Variants in CNTNAP3B observed in about 807,000 individuals in gnomAD.
The protein encoded by CNTNAP3B is contactin-associated protein-like 3B.
In CNTNAP3B, 25 loss-of-function variants were observed where a neutral mutation model predicts 108.9. That is an observed-to-expected ratio of 0.23 (90% confidence interval 0.17 to 0.32). The LOEUF (loss-of-function observed/expected upper bound fraction) is 0.32, where lower values mean the gene tolerates loss of function less well. Among genes scored for constraint, CNTNAP3B ranks in the 10% least tolerant of loss-of-function variants. The pLI, the probability that CNTNAP3B is intolerant of heterozygous loss-of-function variation, is 1.00. For missense variants in CNTNAP3B, 252 were observed against 1,210.4 expected, an observed-to-expected ratio of 0.21 and a Z score of 11.75; for synonymous variants, 103 against 473.4, an observed-to-expected ratio of 0.22 and a Z score of 10.16.
chr9:41,921,514 G>C (rs1247925918), intron 17 of CNTNAP3B, among the ~76,000 whole-genome samples: 1 of 151,254 alleles, frequency 6.6e-6, no homozygotes, highest in East Asian at 1.9e-4. Flanking sequence ...TTGTGATTTA[G>C]TCCAGTTTTA....
At chr9:41,937,264 C>G (rs987330433) in intron 14 of CNTNAP3B, among the ~76,000 whole-genome samples, 1 of 151,470 alleles carries the variant, frequency 6.6e-6, no homozygotes, top group Non-Finnish European at 1.5e-5. Flanking sequence ...GCAGCTGGGA[C>G]TACAGGCACA....
intron 2 of CNTNAP3B, among the ~76,000 whole-genome samples, chr9:42,080,142 G>A (rs1827583063): frequency 7.4e-6 from 1 of 135,468 alleles, no homozygotes; most frequent in Non-Finnish European, 1.6e-5. Flanking sequence ...GCTACCCTGG[G>A]ATGGTGTGTT....
chr9:42,097,302 C>A (rs1160516495), intron 2 of CNTNAP3B, among the ~76,000 whole-genome samples: 1 of 140,182 alleles, frequency 7.1e-6, no homozygotes, highest in African/African-American at 2.8e-5. Context: ...AAGTTAGTTC[C>A]AATTTTCAAA....
At chr9:41,924,484 A>T (rs1823754216) in intron 15 of CNTNAP3B, among the ~76,000 whole-genome samples, 1 of 152,308 alleles carries the variant, frequency 6.6e-6, no homozygotes, top group Non-Finnish European at 1.5e-5. Context: ...TTTTGGTCTA[A>T]CTGGGAAGGG....
intron 3 of CNTNAP3B, among the ~76,000 whole-genome samples, chr9:42,020,592 G>A (rs1250609188): frequency 4.0e-4 from 60 of 148,322 alleles, no homozygotes; most frequent in Non-Finnish European, 5.8e-4. Context: ...GACATGATAG[G>A]CATTGTTGCA....
chr9:42,029,034 A>C (rs1436908729), intron 3 of CNTNAP3B, among the ~76,000 whole-genome samples: 13 of 148,584 alleles, frequency 8.7e-5, no homozygotes, highest in African/African-American at 3.3e-4. Flanking sequence ...TGAAAAGTTA[A>C]ATGTTGAGCT....
chr9:42,054,872 C>T (rs1165097649), intron 3 of CNTNAP3B, among the ~76,000 whole-genome samples: 2 of 149,256 alleles, frequency 1.3e-5, no homozygotes, highest in African/African-American at 2.5e-5. Context: ...ACCAAATGAC[C>T]TCCCTAGCTG....
intron 13 of CNTNAP3B, among the ~76,000 whole-genome samples, chr9:41,943,345 A>ATT (rs1165684239): frequency 0.039 from 5,151 of 131,332 alleles, 2 homozygotes; most frequent in Non-Finnish European, 0.049. Flanking sequence ...TTGGACAATA[A>ATT]TTTTTTTTTT....
chr9:41,956,260 C>T (rs1242892942), intron 12 of CNTNAP3B, among the ~76,000 whole-genome samples: 1 of 151,702 alleles, frequency 6.6e-6, no homozygotes, highest in African/African-American at 2.4e-5. Context: ...GTGGCACATG[C>T]CTGTAGTCCC....
chr9:41,953,501 T>C, intron 12 of CNTNAP3B, 115 bp from the exon 13 acceptor site: 1 of 1,236,268 alleles, frequency 8.1e-7, no homozygotes, highest in East Asian at 2.6e-5. Flanking sequence ...TTACTGCATG[T>C]TTGCCGCGAT....
At chr9:42,003,910 T>C (rs1177531570) in intron 4 of CNTNAP3B, among the ~76,000 whole-genome samples, 38 of 135,730 alleles carry the variant, frequency 2.8e-4, no homozygotes, top group African/African-American at 1.0e-3. Flanking sequence ...TGAGCCAGGA[T>C]TGCTCCACTG....
intron 13 of CNTNAP3B, among the ~76,000 whole-genome samples, chr9:41,951,070 G>T (rs1824663310): frequency 2.0e-5 from 2 of 100,698 alleles, no homozygotes; most frequent in Admixed American, 2.1e-4. Context: ...AGGAATTCTT[G>T]TGCTGATGGA....
At chr9:42,086,183 C>A (rs1295611533) in intron 2 of CNTNAP3B, among the ~76,000 whole-genome samples, 1 of 142,750 alleles carries the variant, frequency 7.0e-6, no homozygotes, top group Non-Finnish European at 1.5e-5. Flanking sequence ...GGGGGTCCCC[C>A]TTATAAAACC....
At chr9:41,962,106 T>G (rs2118214694) in intron 11 of CNTNAP3B, among the ~76,000 whole-genome samples, 1 of 152,368 alleles carries the variant, frequency 6.6e-6, no homozygotes, top group African/African-American at 2.4e-5. Context: ...CATGTATTAA[T>G]GTATAGTATA....
At chr9:42,095,711 C>A (rs71512021) in intron 2 of CNTNAP3B, among the ~76,000 whole-genome samples, 1 of 139,186 alleles carries the variant, frequency 7.2e-6, no homozygotes, top group Non-Finnish European at 1.5e-5. Context: ...CAGGTGTCTC[C>A]GTCCAGTTAA....
At chr9:42,085,895 T>C (rs1169206988) in intron 2 of CNTNAP3B, among the ~76,000 whole-genome samples, 3 of 145,060 alleles carry the variant, frequency 2.1e-5, no homozygotes, top group Non-Finnish European at 1.5e-5. Flanking sequence ...GTAGCTTTAA[T>C]TTTATTACTA....
intron 11 of CNTNAP3B, among the ~76,000 whole-genome samples, chr9:41,962,206 G>T (rs1338742452): frequency 1.3e-5 from 2 of 152,152 alleles, no homozygotes; most frequent in Admixed American, 1.3e-4. Flanking sequence ...TTAATTAGTT[G>T]CACATAATTG....
chr9:42,118,385 T>C (rs1304686876), intron 1 of CNTNAP3B, among the ~76,000 whole-genome samples: 1 of 139,604 alleles, frequency 7.2e-6, no homozygotes, highest in Non-Finnish European at 1.5e-5. Flanking sequence ...CGAAAATCAA[T>C]AAATGTAATC....
At chr9:41,958,707 A>AAACAT (rs1165226068) in intron 12 of CNTNAP3B, among the ~76,000 whole-genome samples, 14 of 150,878 alleles carry the variant, frequency 9.3e-5, no homozygotes, top group African/African-American at 3.2e-4. Context: ...TGAAAACAAA[A>AAACAT]AACAAAACAA....
Sources: allele counts gnomAD v4.1 joint callset (sites outside exome capture counted in the v4.1 genomes callset), GRCh38; gene constraint gnomAD v4.1.1; transcripts MANE v1.5; gene names NCBI Gene and HGNC (gene_info 2026-07-23, HGNC 2026-07-21).